The following RARB variants were observed in gnomAD, a reference collection of about 807,000 sequenced individuals.
The protein encoded by RARB is retinoic acid receptor beta.
Under a neutral mutation model 51.9 loss-of-function variants are expected in RARB, and 17 were observed. The ratio of observed to expected loss-of-function variants is 0.33; its 90% CI spans 0.22 to 0.49. The LOEUF is 0.49. Among genes scored for constraint, RARB ranks in the 20% least tolerant of loss-of-function variants. RARB has a pLI of 0.99. For missense variants in RARB, 369 were observed against 550.8 expected, an observed-to-expected ratio of 0.67 and a Z score of 3.30; for synonymous variants, 215 against 195.4, an observed-to-expected ratio of 1.10 and a Z score of -0.84.
At chr3:25,238,376 A>G (rs1437238758) in intron 5 of RARB, among the ~76,000 whole-genome samples, 2 of 152,086 alleles carry the variant, frequency 1.3e-5, no homozygotes, top group African/African-American at 2.4e-5. Flanking sequence ...TATATATACC[A>G]TATAGACCAA....
intron 5 of RARB, among the ~76,000 whole-genome samples, chr3:25,265,558 C>T (rs1188619717): frequency 6.6e-6 from 1 of 152,138 alleles, no homozygotes; most frequent in African/African-American, 2.4e-5. Context: ...CTGCAACCTC[C>T]ACCTCCCAGG....
chr3:24,958,642 C>T (rs1696074965), intron 2 of RARB, among the ~76,000 whole-genome samples: 1 of 152,236 alleles, frequency 6.6e-6, no homozygotes, highest in Middle Eastern at 3.4e-3. Flanking sequence ...GAGGTAACCA[C>T]TCTGAGAAGC....
chr3:25,267,340 C>T (rs1031908382), intron 5 of RARB, among the ~76,000 whole-genome samples: 3 of 152,154 alleles, frequency 2.0e-5, no homozygotes, highest in Non-Finnish European at 4.4e-5. Context: ...AATGTTAAAG[C>T]AGTGAAGGCC....
At chr3:25,195,307 C>T (rs999416121) in intron 5 of RARB, among the ~76,000 whole-genome samples, 1 of 152,004 alleles carries the variant, frequency 6.6e-6, no homozygotes, top group Admixed American at 6.6e-5. Flanking sequence ...TAGTGTCATA[C>T]ATGCTCAATT....
Position 24,993,867 on chromosome 3 carries a change from T to C in RARB, c.-379-66258T>C, listed in dbSNP as rs376745861. Among the ~76,000 whole-genome samples the C allele has an allele frequency of 3.9e-5, 6 of 152,294 alleles. No individual in the cohort carries two copies. The South Asian group carries it at 6.2e-4, about 16-fold the overall frequency. On this transcript the variant is annotated intron_variant, in intron 2 of 11. Coordinates refer to the RARB transcript ENST00000383772. ...CTCTTTATGGCTGAATAGTATTCCA[T>C]TGTGTATATATACCATGCTTTCTTT...
intron 3 of RARB, among the ~76,000 whole-genome samples, chr3:25,072,682 T>C (rs1450739521): frequency 6.6e-6 from 1 of 152,070 alleles, no homozygotes; most frequent in East Asian, 1.9e-4. Flanking sequence ...GGCTTCTATC[T>C]ACCTACAAGG....
chr3:25,245,691 TC>T (rs1702542324), intron 5 of RARB, among the ~76,000 whole-genome samples: 1 of 152,212 alleles, frequency 6.6e-6, no homozygotes, highest in Non-Finnish European at 1.5e-5. Context: ...CTGATAGGCT[TC>T]CCTTTGTGGG....
chr3:25,020,188 G>T (rs1428081816), intron 2 of RARB: 1 of 151,190 alleles, frequency 6.6e-6, no homozygotes, highest in South Asian at 2.1e-4. Flanking sequence ...TCACCAGGTT[G>T]CTCAGGCTGG....
intron 2 of RARB, among the ~76,000 whole-genome samples, chr3:25,049,416 TG>T (rs1268118010): frequency 6.6e-6 from 1 of 152,230 alleles, no homozygotes; most frequent in Non-Finnish European, 1.5e-5. Context: ...TGGTAGAATA[TG>T]TATGCTTTTG....
intron 2 of RARB, among the ~76,000 whole-genome samples, chr3:24,959,210 C>T (rs1696086527): frequency 6.6e-6 from 1 of 152,176 alleles, no homozygotes; most frequent in Non-Finnish European, 1.5e-5. Context: ...GTCAGTGTGA[C>T]AGCCTTTAGC....
intron 3 of RARB, among the ~76,000 whole-genome samples, chr3:25,072,994 G>A (rs574508301): frequency 6.6e-6 from 1 of 152,192 alleles, no homozygotes; most frequent in South Asian, 2.1e-4. Context: ...CACCGCGCCC[G>A]GCCGGAGGGT....
chr3:24,974,045 G>C (rs1696457055), intron 2 of RARB, among the ~76,000 whole-genome samples: 1 of 151,898 alleles, frequency 6.6e-6, no homozygotes, highest in Non-Finnish European at 1.5e-5. Context: ...TGGAGGAAAG[G>C]CTTTCAATTT....
chr3:25,293,907 A>T lies in RARB; in HGVS notation c.178+119332A>T, dbSNP rs184058375. ...GGAGCTCAATTTCACATGTGTCGTA[A>T]CTGGGAGTGGCTACTCATGGCTCAT... On this transcript the variant is annotated intron_variant, in intron 5 of 11. Coordinates refer to the RARB transcript ENST00000383772. Among the ~76,000 whole-genome samples, 69 of 152,268 alleles carry T rather than the reference A, an allele frequency of 4.5e-4. No homozygotes were observed. The East Asian group carries it at 6.8e-3, about 15-fold the overall frequency.
intron 5 of RARB, among the ~76,000 whole-genome samples, chr3:25,226,683 A>G (rs561916556): frequency 3.1e-4 from 47 of 152,174 alleles, no homozygotes; most frequent in Non-Finnish European, 5.6e-4. Context: ...TGGGTACTCA[A>G]TCAAAAATAG....
intron 5 of RARB, among the ~76,000 whole-genome samples, chr3:25,302,551 A>G (rs537248337): frequency 6.6e-6 from 1 of 152,348 alleles, no homozygotes; most frequent in South Asian, 2.1e-4. Context: ...CAATATTCAG[A>G]ATAGGCTAAT....
At chr3:25,039,414 G>A (rs1057412544) in intron 2 of RARB, among the ~76,000 whole-genome samples, 2 of 152,120 alleles carry the variant, frequency 1.3e-5, no homozygotes, top group African/African-American at 4.8e-5. Flanking sequence ...AGAAGTTTAC[G>A]GTTCAAATGA....
At chr3:24,829,561 G>A (rs1246079324) in intron 1 of RARB, among the ~76,000 whole-genome samples, 2 of 152,200 alleles carry the variant, frequency 1.3e-5, no homozygotes, top group Non-Finnish European at 2.9e-5. Flanking sequence ...GTACCGCGGC[G>A]GGGCCGGGGG....
rs1021207525 is a variant in RARB, at chr3:25,435,203, G to A, written c.157+6315G>A. On this transcript the variant is annotated intron_variant, in intron 1 of 7. Transcript: ENST00000330688. ...CCATATTTAGTGGAATGTTTGCTAT[G>A]TTGTTGTTGATAAATTACTATTCAT... Among the ~76,000 whole-genome samples the A allele has an allele frequency of 3.3e-5, 5 of 151,866 alleles. No individual in the cohort carries two copies. The South Asian group carries it at 1.0e-3, about 31-fold the overall frequency.
At chr3:24,937,282 C>G (rs551146352) in intron 2 of RARB, among the ~76,000 whole-genome samples, 146 of 152,202 alleles carry the variant, frequency 9.6e-4, no homozygotes, top group African/African-American at 3.4e-3. Context: ...CAATTTGGTT[C>G]AATGTATGTT....
Sources: allele counts gnomAD v4.1 joint callset (sites outside exome capture counted in the v4.1 genomes callset), GRCh38; gene constraint gnomAD v4.1.1; transcripts MANE v1.5; gene names NCBI Gene and HGNC (gene_info 2026-07-23, HGNC 2026-07-21).